ZNF430: variants seen among roughly 807,000 people sequenced by gnomAD.
The protein encoded by ZNF430 is zinc finger protein 430.
ZNF430 carries 35 observed loss-of-function variants against 56.7 expected under a neutral mutation model. The observed-to-expected ratio is 0.62, with a 90% CI of 0.47 to 0.82. ZNF430 has a LOEUF of 0.82. Ranked by LOEUF, ZNF430 falls within the 40% of genes least tolerant of loss-of-function variation. ZNF430 has a pLI of 0.00. For synonymous variants in ZNF430, 212 were observed against 224.3 expected, an observed-to-expected ratio of 0.94 and a Z score of 0.49; for missense variants, 574 against 661.0, an observed-to-expected ratio of 0.87 and a Z score of 1.44.
At position 21,057,984 on chromosome 19, in the gene ZNF430, A is replaced by C. The variant is rs1280815490; in HGVS notation, c.1676A>C (p.Gln559Pro). 6.2e-7 allele frequency: 1 copy of C among 1,612,528 alleles called. No homozygotes were observed. Among genetic ancestry groups the C allele is most frequent in the Non-Finnish European group, 8.5e-7 (1 of 1,179,476 alleles). The change falls in exon 5 of 5, where the codon CAA becomes CCA. Residue 559 changes from glutamine to proline, a missense_variant. Gln to Pro is a moderately conservative substitution (Grantham distance 76, BLOSUM62 -1). Around this residue, in one of 3 missense-constraint regions of ZNF430, gnomAD observed 213 missense variants for 221.0 expected, o/e 0.96. Coordinates refer to ENST00000261560, the MANE Select transcript of ZNF430 (RefSeq NM_025189.4). Reference protein sequence around the residue: ...AFNQSSNLIEQSNSYWRETLQ... With the variant: ...AFNQSSNLIEPSNSYWRETLQ... ...AACCAGTCCTCAAACCTTATTGAAC[A>C]AAGTAATTCATACTGGAGAGAAACC...
chr19:21,031,280 G>A (rs1967897422), intron 2 of ZNF430, among the ~76,000 whole-genome samples: 1 of 152,142 alleles, frequency 6.6e-6, no homozygotes. Context: ...AAGCATCCAT[G>A]TTGTTTTAAT....
At position 21,057,245 on chromosome 19, in the gene ZNF430, G is replaced by T. The variant is rs777839676; in HGVS notation, c.937G>T (p.Gly313Ter). The T allele has an allele frequency of 6.2e-7, 1 of 1,613,206 alleles. No homozygotes were observed. The highest frequency in any genetic ancestry group is 8.5e-7 in the Non-Finnish European group (1 of 1,179,844). The change falls in exon 5 of 5, where the codon GGA (glycine) becomes TGA (stop). Residue 313 changes from glycine to a stop codon, truncating the protein, a stop_gained. Transcript: ENST00000261560. LOFTEE classifies it high-confidence loss of function. Reference protein sequence around the residue: ...HLTTHKRIHTGEKPYRCEECG... With the variant: ...HLTTHKRIHT ...TACTACACATAAAAGAATTCATACT[G>T]GAGAGAAACCCTACAGATGTGAAGA... is the stretch of plus-strand genomic sequence containing the variant.
intron 4 of ZNF430, chr19:21,035,247 CAT>C (rs1299636251): frequency 6.6e-6 from 1 of 152,126 alleles, no homozygotes; most frequent in African/African-American, 2.4e-5. Context: ...TTATTAATAA[CAT>C]ATCTTTCGTT....
In ZNF430 at chr19:21,032,676, G is replaced by A. The variant is rs182572260; in HGVS notation, c.97-780G>A. On this transcript the variant is annotated intron_variant, in intron 2 of 4. Transcript: ENST00000261560. ...CAGGAGGCGGAGGTTGCAGTGAGCCGAGATGGTGTCATTGCACTCCAGCCT... is the reference window on the plus strand; with the variant it reads ...CAGGAGGCGGAGGTTGCAGTGAGCCAAGATGGTGTCATTGCACTCCAGCCT... 6.0e-4 allele frequency among the ~76,000 whole-genome samples: 91 copies of A among 152,032 alleles called. 1 individual carries two copies. The highest frequency in any genetic ancestry group is 1.6e-3 in the African/African-American group (68 of 41,470).
chr19:21,023,480 A>G (rs1041469806), intron 2 of ZNF430, among the ~76,000 whole-genome samples: 1 of 152,222 alleles, frequency 6.6e-6, no homozygotes, highest in African/African-American at 2.4e-5. Flanking sequence ...CTAATAATAT[A>G]TTCCATTCAT....
chr19:21,043,468 A>G (rs1968141197), intron 4 of ZNF430, among the ~76,000 whole-genome samples: 1 of 151,838 alleles, frequency 6.6e-6, no homozygotes, highest in Non-Finnish European at 1.5e-5. Flanking sequence ...ATTCTTTTTC[A>G]TTGGTCTATG....
chr19:21,055,519 G>T (rs1056659580), intron 4 of ZNF430, among the ~76,000 whole-genome samples: 5 of 151,852 alleles, frequency 3.3e-5, no homozygotes, highest in African/African-American at 1.2e-4. Context: ...CGCAATCTCG[G>T]CTCACTGCAC....
At chr19:21,051,077 T>C (rs1968275627) in intron 4 of ZNF430, among the ~76,000 whole-genome samples, 2 of 152,230 alleles carry the variant, frequency 1.3e-5, no homozygotes, top group African/African-American at 4.8e-5. Context: ...GACAATGTTA[T>C]GCAACATATC....
intron 4 of ZNF430, among the ~76,000 whole-genome samples, chr19:21,044,200 A>G (rs546403007): frequency 6.6e-6 from 1 of 152,150 alleles, no homozygotes; most frequent in East Asian, 1.9e-4. Flanking sequence ...CCCTTTCGGT[A>G]TGATACTGGC....
rs1599510863 is a variant in ZNF430 at position 21,056,634 on chromosome 19, C to T, written c.326C>T (p.Thr109Ile). The T allele has an allele frequency of 2.0e-6, 3 of 1,506,598 alleles. No homozygotes were observed. The highest frequency in any genetic ancestry group is 4.6e-5 in the East Asian group (2 of 43,844). 93.3% of individuals were successfully genotyped at this position (1,506,598 alleles called of 1,614,324 possible). ...TTGTTATTTTTATTTCTTTCAGTTA[C>T]ATATTCTCATTTTGCCCAAGACCTT... is the stretch of plus-strand genomic sequence containing the variant. ...RHAMVDQPPV[T>I]YSHFAQDLWP... The change falls in exon 5 of 5, where the codon ACA (threonine) becomes ATA (isoleucine). Residue 109 changes from threonine to isoleucine, a missense_variant. By Grantham distance (89) the Thr-to-Ile change is moderately conservative. Coordinates refer to ENST00000261560, the MANE Select transcript of ZNF430 (RefSeq NM_025189.4).
intron 2 of ZNF430, among the ~76,000 whole-genome samples, chr19:21,026,642 A>G (rs757434137): frequency 1.5e-4 from 23 of 152,148 alleles, no homozygotes; most frequent in South Asian, 4.1e-4. Flanking sequence ...GTTTTGATGT[A>G]CAGAGATTCT....
chr19:21,045,002 A>G (rs1049624833), intron 4 of ZNF430, among the ~76,000 whole-genome samples: 4 of 151,236 alleles, frequency 2.6e-5, no homozygotes, highest in Admixed American at 2.6e-4. Context: ...GTTCTATTTT[A>G]TTAATGTTTT....
intron 4 of ZNF430, chr19:21,049,638 G>GTGCAACATTTCTTGTTACGTTCCC (rs1968247271): frequency 1.8e-5 from 1 of 54,310 alleles, no homozygotes; most frequent in African/African-American, 4.7e-5. Context: ...GTTACATTTC[G>GTGCAACATTTCTTGTTACGTTCCC]TGCAACATTT....
At chr19:21,022,682 T>C (rs1447242880) in intron 1 of ZNF430, 107 bp from the exon 2 acceptor site, 2 of 848,568 alleles carry the variant, frequency 2.4e-6, no homozygotes, top group Non-Finnish European at 2.0e-6. Flanking sequence ...AGTTTTTTTC[T>C]GGTCCTGGGT....
At chr19:21,053,274 C>T (rs1968314677) in intron 4 of ZNF430, among the ~76,000 whole-genome samples, 1 of 152,092 alleles carries the variant, frequency 6.6e-6, no homozygotes, top group Non-Finnish European at 1.5e-5. Flanking sequence ...GGGGTGATGA[C>T]TCAGTACACT....
rs185470665 is a variant in ZNF430 at position 21,056,928 on chromosome 19, G to A, written c.620G>A (p.Cys207Tyr). ...IRHTGKKPFKCKKCDKSFCML... is the reference protein window; with the variant it reads ...IRHTGKKPFKYKKCDKSFCML... ...CATACTGGAAAGAAGCCTTTCAAAT[G>A]TAAAAAATGTGACAAATCGTTTTGC... The change falls in exon 5 of 5, where the codon TGT becomes TAT. Residue 207 changes from cysteine to tyrosine, a missense_variant. Physicochemically the swap from Cys to Tyr is radical, Grantham distance 194 (BLOSUM62 -2). Transcript: ENST00000261560. 1.0e-4 allele frequency: 167 copies of A among 1,613,090 alleles called. 1 individual carries two copies. The highest frequency in any genetic ancestry group is 4.7e-4 in the Admixed American group (28 of 59,838).
chr19:21,055,641 A>G (rs1167884282), intron 4 of ZNF430, among the ~76,000 whole-genome samples: 1 of 151,974 alleles, frequency 6.6e-6, no homozygotes, highest in Admixed American at 6.6e-5. Context: ...TTTAGTAGAG[A>G]TGGAGTTTCA....
intron 4 of ZNF430, among the ~76,000 whole-genome samples, chr19:21,048,704 T>C (rs1010241606): frequency 1.7e-4 from 26 of 151,988 alleles, no homozygotes; most frequent in Non-Finnish European, 3.4e-4. Flanking sequence ...TGGGTACACC[T>C]CCCAGACGGG....
chr19:21,057,281 G>C lies in ZNF430; in HGVS notation c.973G>C (p.Ala325Pro), dbSNP rs1197712504. The stretch of plus-strand genomic sequence containing the variant: ...CTACAGATGTGAAGAATGTGGCAGA[G>C]CTTTTAACCGGTCCTCACACCTTAC... ...KPYRCEECGR[A>P]FNRSSHLTTH... is the part of the protein sequence containing the mutation. The change falls in exon 5 of 5, where the codon GCT (alanine) becomes CCT (proline). Residue 325 changes from alanine to proline, a missense_variant. Physicochemically the swap from Ala to Pro is conservative, Grantham distance 27. This residue lies in a region of ZNF430 where 346 missense variants were observed against 399.1 expected (regional missense o/e 0.87). Transcript: ENST00000261560. 1.2e-6 allele frequency: 2 copies of C among 1,612,960 alleles called. No individual in the cohort carries two copies. Among genetic ancestry groups the C allele is most frequent in the African/African-American group, 2.7e-5 (2 of 74,926 alleles).
Sources: allele counts gnomAD v4.1 joint callset (sites outside exome capture counted in the v4.1 genomes callset), GRCh38; gene constraint gnomAD v4.1.1; regional missense constraint gnomAD v4.1.1; transcripts MANE v1.5; gene names NCBI Gene and HGNC (gene_info 2026-07-23, HGNC 2026-07-21).